MCTP1: variants seen among roughly 807,000 people sequenced by gnomAD.
MCTP1 encodes the protein multiple C2 and transmembrane domain-containing protein 1.
Under a neutral mutation model 120.6 loss-of-function variants are expected in MCTP1, and 69 were observed. The observed-to-expected ratio is 0.57, with a 90% CI of 0.47 to 0.70. MCTP1 has a LOEUF of 0.70. Ranked by LOEUF, MCTP1 falls within the 30% of genes least tolerant of loss-of-function variation. The probability of loss-of-function intolerance (pLI) is 0.00; values close to 1 mark genes in which losing one functional copy is unlikely to be tolerated. For synonymous variants in MCTP1, 529 were observed against 493.1 expected, an observed-to-expected ratio of 1.07 and a Z score of -0.96; for missense variants, 1,203 against 1,248.8, an observed-to-expected ratio of 0.96 and a Z score of 0.55.
At chr5:95,094,901 A>T (rs2152349102) in intron 1 of MCTP1, among the ~76,000 whole-genome samples, 1 of 151,120 alleles carries the variant, frequency 6.6e-6, no homozygotes, top group South Asian at 2.1e-4. Flanking sequence ...ACACTCCTAA[A>T]TGCCTCCTAT....
At chr5:95,225,684 G>A (rs976189871) in intron 1 of MCTP1, among the ~76,000 whole-genome samples, 18 of 151,770 alleles carry the variant, frequency 1.2e-4, no homozygotes, top group Admixed American at 2.0e-4. Flanking sequence ...CTGCCTTCCC[G>A]TCTTTCCTCA....
intron 17 of MCTP1, among the ~76,000 whole-genome samples, chr5:94,801,083 A>G (rs1781133919): frequency 6.6e-6 from 1 of 152,138 alleles, no homozygotes; most frequent in African/African-American, 2.4e-5. Context: ...AGACATCAAT[A>G]CATGTAAAAG....
intron 1 of MCTP1, among the ~76,000 whole-genome samples, chr5:95,198,789 G>T (rs1311196670): frequency 6.6e-6 from 1 of 152,024 alleles, no homozygotes; most frequent in African/African-American, 2.4e-5. Flanking sequence ...TATTAAAAAA[G>T]GAATGAACCA....
chr5:94,810,682 G>T (rs1457770729), intron 17 of MCTP1, among the ~76,000 whole-genome samples: 2 of 152,160 alleles, frequency 1.3e-5, no homozygotes, highest in Non-Finnish European at 2.9e-5. Context: ...TAGCTGATGT[G>T]CAGAGTGTTG....
At chr5:94,918,409 C>G (rs897395700) in intron 7 of MCTP1, among the ~76,000 whole-genome samples, 3 of 152,148 alleles carry the variant, frequency 2.0e-5, no homozygotes, top group African/African-American at 7.2e-5. Context: ...AAACTAAGAT[C>G]ATATTAACCT....
At chr5:94,757,769 G>A (rs145628793) in intron 19 of MCTP1, among the ~76,000 whole-genome samples, 1 of 152,318 alleles carries the variant, frequency 6.6e-6, no homozygotes, top group East Asian at 1.9e-4. Context: ...TAAAAGTAAA[G>A]ATTCTGGAGT....
intron 1 of MCTP1, among the ~76,000 whole-genome samples, chr5:95,059,335 T>C (rs1748292559): frequency 6.6e-6 from 1 of 152,158 alleles, no homozygotes; most frequent in South Asian, 2.1e-4. Flanking sequence ...TTGCATGTTG[T>C]CACTTGTAAA....
intron 19 of MCTP1, among the ~76,000 whole-genome samples, chr5:94,741,403 C>T (rs1339004946): frequency 6.6e-6 from 1 of 152,182 alleles, no homozygotes; most frequent in Non-Finnish European, 1.5e-5. Context: ...CATGAAGAGA[C>T]CCTCTGGTTT....
chr5:94,744,554 A>G (rs1333600147), intron 19 of MCTP1, among the ~76,000 whole-genome samples: 1 of 151,870 alleles, frequency 6.6e-6, no homozygotes, highest in Non-Finnish European at 1.5e-5. Flanking sequence ...CCCAGGCTGG[A>G]GTGCAGTGGT....
At chr5:94,817,407 AAAACAAACAAAC>A (rs55957139) in intron 17 of MCTP1, among the ~76,000 whole-genome samples, 2,712 of 150,032 alleles carry the variant, frequency 0.018, 84 homozygotes, top group African/African-American at 0.062. Flanking sequence ...CTCTTGTCTC[AAAACAAACAAAC>A]AAACAAACAA....
At chr5:94,988,334 A>G (rs1830789749) in intron 2 of MCTP1, among the ~76,000 whole-genome samples, 1 of 151,912 alleles carries the variant, frequency 6.6e-6, no homozygotes, top group Non-Finnish European at 1.5e-5. Flanking sequence ...GAGCTGATTT[A>G]CAAAGCTTCA....
At chr5:94,760,302 GAAA>G (rs1157390754) in intron 19 of MCTP1, among the ~76,000 whole-genome samples, 1 of 152,056 alleles carries the variant, frequency 6.6e-6, no homozygotes, top group African/African-American at 2.4e-5. Flanking sequence ...AGCTCAATGG[GAAA>G]AAAAGAACTT....
intron 1 of MCTP1, among the ~76,000 whole-genome samples, chr5:95,029,190 G>A (rs1839851891): frequency 6.6e-6 from 1 of 151,278 alleles, no homozygotes; most frequent in Non-Finnish European, 1.5e-5. Flanking sequence ...GTTTGTAACT[G>A]TAAGAAATTG....
At chr5:95,057,729 A>G (rs1439240431) in intron 1 of MCTP1, among the ~76,000 whole-genome samples, 1 of 151,992 alleles carries the variant, frequency 6.6e-6, no homozygotes, top group East Asian at 1.9e-4. Context: ...TCGTACCCAG[A>G]TTTTTCCGAG....
Position 94,831,748 on chromosome 5 carries a change from G to A in MCTP1, c.2437-32616C>T, listed in dbSNP as rs537289911. ...ATTAAATTCAGCTTAACATGTTTAA[G>A]AATGTAAATGTTCACAATTTTATGG... On this transcript the variant is annotated intron_variant, in intron 17 of 22. Coordinates refer to ENST00000515393, the MANE Select transcript of MCTP1 (RefSeq NM_024717.7). Among the ~76,000 whole-genome samples, 112 of 152,268 alleles carry A rather than the reference G, an allele frequency of 7.4e-4. 1 individual carries two copies. Among genetic ancestry groups the A allele is most frequent in the South Asian group, 3.9e-3 (19 of 4,824 alleles).
intron 19 of MCTP1, among the ~76,000 whole-genome samples, chr5:94,768,240 C>G (rs924795237): frequency 6.6e-6 from 1 of 152,088 alleles, no homozygotes; most frequent in African/African-American, 2.4e-5. Flanking sequence ...TCTCACCATA[C>G]ACAAAAATCA....
At position 94,846,807 on chromosome 5, in the gene MCTP1, CTGTG is replaced by C. The variant is rs1206315344; in HGVS notation, c.2436+21522_2436+21525del. On this transcript the variant is annotated intron_variant, in intron 17 of 22. Transcript: ENST00000515393. Reference sequence around the variant, plus strand: ...TGTGTGTCTCCGTACATGTGTGTCTCTGTGTGTGTCTGTGTGTGTGTGTGTGTGT... The same window carrying C: ...TGTGTGTCTCCGTACATGTGTGTCTCTGTGTCTGTGTGTGTGTGTGTGTGT... Among the ~76,000 whole-genome samples the C allele has an allele frequency of 1.3e-4, 17 of 129,244 alleles. 2 individuals carry two copies. In the East Asian group the frequency reaches 9.6e-3, roughly 73 times the overall value. The allele number at this position is 129,244 out of a possible 152,430, so 84.8% of individuals were successfully genotyped here.
chr5:95,122,950 A>T (rs1399361682), intron 1 of MCTP1, among the ~76,000 whole-genome samples: 1 of 152,202 alleles, frequency 6.6e-6, no homozygotes, highest in Non-Finnish European at 1.5e-5. Context: ...AATTAAAATA[A>T]GTAGAAGGGC....
chr5:95,176,294 G>T lies in MCTP1; in HGVS notation c.720+107562C>A, dbSNP rs377459975. 3.9e-5 allele frequency among the ~76,000 whole-genome samples: 6 copies of T among 152,288 alleles called. No homozygotes were observed. The East Asian group carries it at 1.2e-3, about 29-fold the overall frequency. ...AATCCCAGAACTTTGGGAGGCAAAGGTGGGCAGATCACTTGAGCCGAGGAG... is the reference window on the plus strand; with the variant it reads ...AATCCCAGAACTTTGGGAGGCAAAGTTGGGCAGATCACTTGAGCCGAGGAG... On this transcript the variant is annotated intron_variant, in intron 1 of 22. Transcript: ENST00000515393.
Sources: allele counts gnomAD v4.1 joint callset (sites outside exome capture counted in the v4.1 genomes callset), GRCh38; gene constraint gnomAD v4.1.1; transcripts MANE v1.5; gene names NCBI Gene and HGNC (gene_info 2026-07-23, HGNC 2026-07-21).